The following ADAMTSL1 variants were observed in gnomAD, a reference collection of about 807,000 sequenced individuals.
The protein encoded by ADAMTSL1 is ADAMTS-like protein 1.
A neutral mutation model predicts 201.8 loss-of-function variants in ADAMTSL1; 126 were observed. The ratio of observed to expected loss-of-function variants is 0.62; its 90% CI spans 0.54 to 0.72. The LOEUF (loss-of-function observed/expected upper bound fraction) is 0.72. Ranked by LOEUF, ADAMTSL1 falls within the 30% of genes least tolerant of loss-of-function variation. The pLI is 0.00. For synonymous variants in ADAMTSL1, 1,121 were observed against 903.4 expected (o/e 1.24, Z -4.32); for missense variants, 2,679 against 2,277.8 (o/e 1.18, Z -3.59).
intron 2 of ADAMTSL1, among the ~76,000 whole-genome samples, chr9:18,419,672 T>C (rs992876984): frequency 1.3e-5 from 2 of 151,786 alleles, no homozygotes; most frequent in Admixed American, 6.6e-5. Context: ...CTCGAAAGTA[T>C]GCTGAGTGAA....
At chr9:18,219,104 C>T (rs1427995424) in intron 2 of ADAMTSL1, among the ~76,000 whole-genome samples, 3 of 151,518 alleles carry the variant, frequency 2.0e-5, no homozygotes, top group Non-Finnish European at 2.9e-5. Flanking sequence ...TATACTGGTG[C>T]CAATATTACA....
At position 18,866,115 on chromosome 9, in the gene ADAMTSL1, C is replaced by CAAAAAAAAAAAA. The variant is rs1827521138; in HGVS notation, c.4250-21716_4250-21715insAAAAAAAAAAAA. On this transcript the variant is annotated intron_variant, in intron 23 of 28. Coordinates refer to ENST00000380548, the MANE Select transcript of ADAMTSL1 (RefSeq NM_001040272.6). ...CAGAGAGATTGCTTGCCTTCAAAAA[C>CAAAAAAAAAAAA]CAAAAAAAAAAAAAATGACGGATAC... 2.6e-4 allele frequency among the ~76,000 whole-genome samples: 7 copies of CAAAAAAAAAAAA among 26,884 alleles called. 1 individual carries two copies. The African/African-American group carries it at 4.8e-3, about 18-fold the overall frequency. The allele number at this position is 26,884 out of a possible 152,430, so 17.6% of individuals were successfully genotyped here.
chr9:18,687,733 G>A (rs185425926), intron 13 of ADAMTSL1, among the ~76,000 whole-genome samples: 37 of 152,252 alleles, frequency 2.4e-4, no homozygotes, highest in Middle Eastern at 6.8e-3. Context: ...TAGCACTCAG[G>A]CCAAACATAT....
intron 1 of ADAMTSL1, among the ~76,000 whole-genome samples, chr9:18,029,464 T>C (rs2131601503): frequency 6.6e-6 from 1 of 152,246 alleles, no homozygotes; most frequent in South Asian, 2.1e-4. Context: ...ACCTAGGCAA[T>C]ACCATTCAGG....
chr9:18,688,545 A>G (rs1038113803), intron 13 of ADAMTSL1, among the ~76,000 whole-genome samples: 2 of 148,942 alleles, frequency 1.3e-5, no homozygotes, highest in African/African-American at 5.0e-5. Flanking sequence ...GTGTGTGCCT[A>G]TATTCGCAGC....
At chr9:18,034,508 C>G (rs1821110734) in intron 1 of ADAMTSL1, among the ~76,000 whole-genome samples, 1 of 152,116 alleles carries the variant, frequency 6.6e-6, no homozygotes. Context: ...AACATAAACT[C>G]ATCATTTTCT....
chr9:18,047,698 A>ATTGG (rs1267279782), intron 1 of ADAMTSL1, among the ~76,000 whole-genome samples: 2 of 152,196 alleles, frequency 1.3e-5, no homozygotes, highest in Non-Finnish European at 2.9e-5. Context: ...GACACTTTAA[A>ATTGG]TTGGCATGCT....
chr9:18,434,206 T>TA (rs1490376669), intron 2 of ADAMTSL1, among the ~76,000 whole-genome samples: 1 of 152,126 alleles, frequency 6.6e-6, no homozygotes, highest in East Asian at 1.9e-4. Context: ...TTATCTTATT[T>TA]AAAAGAATTC....
intron 15 of ADAMTSL1, among the ~76,000 whole-genome samples, chr9:18,722,659 A>T (rs571616385): frequency 5.3e-5 from 8 of 152,288 alleles, no homozygotes; most frequent in African/African-American, 1.9e-4. Flanking sequence ...TCCCATGGTG[A>T]CACTCCTCCT....
intron 23 of ADAMTSL1, among the ~76,000 whole-genome samples, chr9:18,830,892 A>T (rs555553769): frequency 6.6e-6 from 1 of 152,208 alleles, no homozygotes; most frequent in Non-Finnish European, 1.5e-5. Context: ...TACTAAGTCT[A>T]TGTGATCCCA....
At chr9:18,473,361 G>T (rs1276483664), upstream of ADAMTSL1, among the ~76,000 whole-genome samples, 1 of 152,186 alleles carries the variant, frequency 6.6e-6, no homozygotes, top group Non-Finnish European at 1.5e-5. Flanking sequence ...TCATCCTGGA[G>T]TCTTTGTTGA....
intron 1 of ADAMTSL1, among the ~76,000 whole-genome samples, chr9:18,501,098 G>A (rs769465507): frequency 1.1e-4 from 17 of 152,040 alleles, no homozygotes; most frequent in Non-Finnish European, 2.4e-4. Flanking sequence ...ACTTTTAGGC[G>A]ACCCATTATC....
upstream of ADAMTSL1, chr9:18,474,073 C>CA: frequency 3.7e-6 from 2 of 542,060 alleles, no homozygotes; most frequent in East Asian, 3.4e-5. Context: ...ACCCCCCACC[C>CA]ATCCACCCAC....
chr9:18,416,980 G>C (rs931289558), intron 2 of ADAMTSL1, among the ~76,000 whole-genome samples: 15 of 151,974 alleles, frequency 9.9e-5, no homozygotes, highest in African/African-American at 3.6e-4. Flanking sequence ...CTTTTCAAGT[G>C]TAGATGGCAC....
In ADAMTSL1 at chr9:18,187,077, C is replaced by A. The variant is rs145997951; in HGVS notation, c.207+23096C>A. Among the ~76,000 whole-genome samples the A allele has an allele frequency of 3.9e-5, 6 of 152,282 alleles. No individual in the cohort carries two copies. The East Asian group carries it at 1.2e-3, about 29-fold the overall frequency. On this transcript the variant is annotated intron_variant, in intron 2 of 29. Transcript: ENST00000680146. ...AAATTGTTTCTGGGTCACCATGCTG[C>A]ATTTTCATCAGCAACTGTCATGTGG...
At chr9:18,032,342 A>G (rs1820996578) in intron 1 of ADAMTSL1, among the ~76,000 whole-genome samples, 1 of 152,120 alleles carries the variant, frequency 6.6e-6, no homozygotes, top group Non-Finnish European at 1.5e-5. Context: ...GAAAGTTGGG[A>G]CTTAGCCCAC....
intron 2 of ADAMTSL1, among the ~76,000 whole-genome samples, chr9:18,257,711 AC>A (rs1386786660): frequency 6.6e-6 from 1 of 152,208 alleles, no homozygotes; most frequent in Admixed American, 6.5e-5. Context: ...GAAAGCACAC[AC>A]CCATGTTTAT....
At chr9:18,031,544 G>A (rs1417657095) in intron 1 of ADAMTSL1, among the ~76,000 whole-genome samples, 3 of 152,148 alleles carry the variant, frequency 2.0e-5, no homozygotes, top group Admixed American at 6.5e-5. Context: ...AAGAGTAAGG[G>A]CCAGCAGATG....
intron 4 of ADAMTSL1, among the ~76,000 whole-genome samples, chr9:18,588,470 T>C (rs1823664404): frequency 6.6e-6 from 1 of 152,168 alleles, no homozygotes; most frequent in South Asian, 2.1e-4. Flanking sequence ...TAATGTAATC[T>C]ATGTGTCTGT....
Sources: gnomAD v4.1 joint callset for allele counts (sites outside exome capture counted in the v4.1 genomes callset) on GRCh38, gnomAD v4.1.1 for gene constraint, MANE v1.5 for transcripts, NCBI Gene and HGNC (gene_info 2026-07-23, HGNC 2026-07-21) for gene names.